Variants in VAC14 observed in about 807,000 individuals in gnomAD.
The protein encoded by VAC14 is protein VAC14 homolog.
Under a neutral mutation model 85.3 loss-of-function variants are expected in VAC14, and 47 were observed. That is an observed-to-expected ratio of 0.55 (90% confidence interval 0.44 to 0.70). The LOEUF (loss-of-function observed/expected upper bound fraction) is 0.70. VAC14 is among the 30% of genes least tolerant of loss of function. VAC14 has a pLI of 0.00. For missense variants in VAC14, 861 were observed against 1,004.3 expected (o/e 0.86, Z 1.93); for synonymous variants, 447 against 430.5 (o/e 1.04, Z -0.47).
At chr16:70,795,910 C>T (rs376857801) in intron 1 of VAC14, among the ~76,000 whole-genome samples, 1 of 152,288 alleles carries the variant, frequency 6.6e-6, no homozygotes, top group African/African-American at 2.4e-5. Flanking sequence ...GGGGGCCCTG[C>T]CTCCATGATG....
intron 12 of VAC14, among the ~76,000 whole-genome samples, chr16:70,758,405 T>C (rs1230107451): frequency 6.6e-6 from 1 of 152,124 alleles, no homozygotes; most frequent in Non-Finnish European, 1.5e-5. Context: ...CAAGCCAGGG[T>C]CATGGCCACC....
At chr16:70,717,525 G>A (rs2054192680) in intron 14 of VAC14, among the ~76,000 whole-genome samples, 1 of 152,230 alleles carries the variant, frequency 6.6e-6, no homozygotes, top group African/African-American at 2.4e-5. Flanking sequence ...TTTTCTTCCT[G>A]TAAGGGTGAG....
Position 70,698,652 on chromosome 16 carries a change from C to T in VAC14, c.1821G>A (p.Lys607=). ...CGCAGCCTACCAGGGTCTTCAGGTC[C>T]TTCAGCTGGTTCCTTAGCTGGAAGA... The part of the protein sequence containing the change: ...TELFQLRNQL[K]DLKTLESQNL... Residue 607 remains lysine, a synonymous_variant, in exon 15 of 19, where the codon AAG becomes AAA. Coordinates refer to ENST00000261776, the MANE Select transcript of VAC14 (RefSeq NM_018052.5). 6.2e-7 allele frequency: 1 copy of T among 1,614,158 alleles called. No homozygotes were observed. The highest frequency in any genetic ancestry group is 8.5e-7 in the Non-Finnish European group (1 of 1,179,988).
At chr16:70,697,379 C>T in intron 15 of VAC14, 122 bp from the exon 16 acceptor site, 1 of 723,490 alleles carries the variant, frequency 1.4e-6, no homozygotes, top group Non-Finnish European at 2.3e-6. Context: ...CGGGGGCAGC[C>T]AGAGCCAGCT....
intron 14 of VAC14, among the ~76,000 whole-genome samples, chr16:70,718,714 C>T (rs969309168): frequency 1.3e-5 from 2 of 152,182 alleles, no homozygotes; most frequent in South Asian, 2.1e-4. Context: ...CCCAACTCCA[C>T]GTGGGGTTCT....
chr16:70,748,263 T>C (rs1460818218), intron 12 of VAC14, among the ~76,000 whole-genome samples: 1 of 152,204 alleles, frequency 6.6e-6, no homozygotes, highest in Non-Finnish European at 1.5e-5. Context: ...GAGCAGCTGC[T>C]GTGGGCTAGT....
At chr16:70,710,682 C>T (rs2054014479) in intron 14 of VAC14, among the ~76,000 whole-genome samples, 1 of 152,244 alleles carries the variant, frequency 6.6e-6, no homozygotes, top group Admixed American at 6.5e-5. Context: ...CCCCTTCTGC[C>T]TCGTCGGTGC....
chr16:70,785,746 C>T lies in VAC14; in HGVS notation c.379G>A (p.Ala127Thr), dbSNP rs368667926. 3.1e-5 allele frequency: 49 copies of T among 1,570,936 alleles called. No individual in the cohort carries two copies. The highest frequency in any genetic ancestry group is 5.4e-5 in the African/African-American group (4 of 74,108). ...LYNIVKVARG[A>T]VLPHFNVLFD... is the part of the protein sequence containing the mutation. ...AGCACGTTGAAGTGGGGCAGCACAG[C>T]GCCCCGGGCCACCTTGACGATGTTG... Residue 127 changes from alanine (A) to threonine (T), a missense_variant, in exon 3 of 19, where the codon GCT becomes ACT. By Grantham distance (58) the Ala-to-Thr change is moderately conservative. This residue lies in a region of VAC14 where 629 missense variants were observed against 703.1 expected (regional missense o/e 0.89). Coordinates refer to ENST00000261776, the MANE Select transcript of VAC14 (RefSeq NM_018052.5).
At chr16:70,689,118 G>T (rs900233145) in intron 18 of VAC14, 11 of 982,500 alleles carry the variant, frequency 1.1e-5, no homozygotes, top group Middle Eastern at 1.0e-3. Flanking sequence ...GACAGACCTG[G>T]ACCCAACCAT....
intron 1 of VAC14, among the ~76,000 whole-genome samples, chr16:70,796,918 G>C (rs1356512010): frequency 6.6e-6 from 1 of 152,072 alleles, no homozygotes; most frequent in African/African-American, 2.4e-5. Flanking sequence ...GATTCCATAG[G>C]ATCAGTGTCC....
intron 14 of VAC14, among the ~76,000 whole-genome samples, chr16:70,702,497 CCTGGAGAGG>C: frequency 6.6e-6 from 1 of 152,192 alleles, no homozygotes; most frequent in African/African-American, 2.4e-5. Flanking sequence ...GGAGGAAGAG[CCTGGAGAGG>C]CTGCTCTGGG....
At chr16:70,760,864 A>T (rs919147543) in intron 12 of VAC14, among the ~76,000 whole-genome samples, 7 of 152,008 alleles carry the variant, frequency 4.6e-5, no homozygotes, top group Non-Finnish European at 8.8e-5. Context: ...TATTGAAATG[A>T]GGGCTGTGAC....
At chr16:70,718,091 C>G (rs147954122) in intron 14 of VAC14, among the ~76,000 whole-genome samples, 38 of 152,372 alleles carry the variant, frequency 2.5e-4, no homozygotes, top group Admixed American at 1.5e-3. Context: ...GGCTCTGTGA[C>G]CAGCCACTGC....
chr16:70,767,811 C>A (rs999573781), intron 10 of VAC14, among the ~76,000 whole-genome samples: 4 of 152,180 alleles, frequency 2.6e-5, no homozygotes, highest in Admixed American at 6.5e-5. Flanking sequence ...ACAATTGTAG[C>A]TAAAGTGTGT....
chr16:70,772,118 G>A lies in VAC14; in HGVS notation c.1151C>T (p.Thr384Ile), dbSNP rs1232835882. 2 of 1,613,970 alleles carry A rather than the reference G, an allele frequency of 1.2e-6. No individual in the cohort carries two copies. The highest frequency in any genetic ancestry group is 2.2e-5 in the East Asian group (1 of 44,898). Residue 384 changes from threonine to isoleucine, a missense_variant, in exon 10 of 19, where the codon ACT (threonine) becomes ATT (isoleucine). Thr to Ile is a moderately conservative substitution (Grantham distance 89). Coordinates refer to ENST00000261776, the MANE Select transcript of VAC14 (RefSeq NM_018052.5). ...GAAACAAGCCACTTACCTGGCTGCA[G>A]TGAAGACACTGATGCCGCTACTGAA... ...SSFSSGISVF[T>I]AASTERAPVT...
Position 70,693,320 on chromosome 16 carries a change from C to G in VAC14, c.2036-349G>C, listed in dbSNP as rs192571388. Reference sequence around the variant, plus strand: ...GGGGCCTGGTCTGTTTCCCGCCCCCCGCTCAGCTGCCTCCCTGGTGATACG... The same window carrying G: ...GGGGCCTGGTCTGTTTCCCGCCCCCGGCTCAGCTGCCTCCCTGGTGATACG... On this transcript the variant is annotated intron_variant, in intron 17 of 18. Coordinates refer to ENST00000261776, the MANE Select transcript of VAC14 (RefSeq NM_018052.5). Among the ~76,000 whole-genome samples the G allele has an allele frequency of 5.6e-3, 852 of 152,362 alleles. 4 individuals carry two copies. The highest frequency in any genetic ancestry group is 9.8e-3 in the Non-Finnish European group (669 of 68,038).
chr16:70,766,511 G>A (rs1231128598), intron 10 of VAC14: 8 of 456,652 alleles, frequency 1.8e-5, no homozygotes, highest in Non-Finnish European at 2.6e-5. Context: ...CGGTCCTGCC[G>A]CACTCAACCC....
intron 12 of VAC14, chr16:70,756,036 A>T (rs771742207): frequency 4.4e-6 from 2 of 456,808 alleles, no homozygotes; most frequent in South Asian, 3.1e-5. Context: ...CCTGGGACCC[A>T]GCTGGCCAAC....
intron 18 of VAC14, chr16:70,690,989 C>G: frequency 2.0e-6 from 2 of 985,320 alleles, no homozygotes; most frequent in Non-Finnish European, 2.4e-6. Context: ...GGAGGTCACA[C>G]AACAAATCCA....
Sources: allele counts gnomAD v4.1 joint callset (sites outside exome capture counted in the v4.1 genomes callset), GRCh38; gene constraint gnomAD v4.1.1; regional missense constraint gnomAD v4.1.1; transcripts MANE v1.5; gene names NCBI Gene and HGNC (gene_info 2026-07-23, HGNC 2026-07-21).